The following DESI2 variants were observed in gnomAD, a reference collection of about 807,000 sequenced individuals.
The protein encoded by DESI2 is deubiquitinase DESI2.
DESI2 carries 10 observed loss-of-function variants against 24.1 expected under a neutral mutation model. That is an observed-to-expected ratio of 0.41 (90% confidence interval 0.26 to 0.70). DESI2 has a LOEUF of 0.70. Among genes scored for constraint, DESI2 ranks in the 30% least tolerant of loss-of-function variants. DESI2 has a pLI of 0.29. For missense variants in DESI2, 122 were observed against 234.9 expected (o/e 0.52, Z 3.14); for synonymous variants, 71 against 87.7 (o/e 0.81, Z 1.06).
intron 4 of DESI2, among the ~76,000 whole-genome samples, chr1:244,698,231 T>C (rs925835465): frequency 4.6e-5 from 7 of 152,244 alleles, no homozygotes; most frequent in African/African-American, 1.7e-4. Context: ...CCTTGCTTTT[T>C]GCTGCTGTAG....
intron 1 of DESI2, among the ~76,000 whole-genome samples, chr1:244,686,262 G>A (rs917516504): frequency 1.3e-5 from 2 of 149,302 alleles, no homozygotes; most frequent in African/African-American, 2.4e-5. Flanking sequence ...GTGTGTGTGT[G>A]TGTATGTGTG....
At chr1:244,699,578 CAAAAAAAAAAAA>C (rs559295405) in intron 4 of DESI2, among the ~76,000 whole-genome samples, 56 of 66,216 alleles carry the variant, frequency 8.5e-4, no homozygotes, top group East Asian at 5.8e-3. Flanking sequence ...GAGACTGTCT[CAAAAAAAAAAAA>C]AAAAAAAAAA....
At chr1:244,653,594 T>C in intron 1 of DESI2, 1 of 526,486 alleles carries the variant, frequency 1.9e-6, no homozygotes, top group Non-Finnish European at 3.3e-6. Context: ...GGCTTGAACC[T>C]CTCCCATCCG....
chr1:244,691,752 C>T (rs1677036898), intron 3 of DESI2, 127 bp from the exon 4 acceptor site: 2 of 727,440 alleles, frequency 2.7e-6, no homozygotes, highest in Admixed American at 3.7e-5. Context: ...GTTATATTAA[C>T]CCTGATTTGT....
intron 1 of DESI2, among the ~76,000 whole-genome samples, chr1:244,659,501 G>A (rs1158494405): frequency 2.0e-5 from 3 of 152,116 alleles, no homozygotes; most frequent in African/African-American, 7.2e-5. Context: ...ATTCCTTCCT[G>A]CTGTCAGCTG....
chr1:244,674,317 C>T (rs972552082), intron 1 of DESI2, among the ~76,000 whole-genome samples: 1 of 38,750 alleles, frequency 2.6e-5, no homozygotes, highest in African/African-American at 7.7e-5. Flanking sequence ...CTATTCATAA[C>T]GGTCTTTTTT....
At chr1:244,673,426 A>G (rs1283930940) in intron 1 of DESI2, among the ~76,000 whole-genome samples, 1 of 152,276 alleles carries the variant, frequency 6.6e-6, no homozygotes, top group African/African-American at 2.4e-5. Flanking sequence ...GTGGCTGACC[A>G]AAATACATAT....
intron 1 of DESI2, chr1:244,656,428 A>G (rs1463436009): frequency 6.6e-6 from 1 of 152,186 alleles, no homozygotes; most frequent in Middle Eastern, 3.2e-3. Flanking sequence ...TTACTTAATT[A>G]TGCATAGTGT....
At chr1:244,674,909 AGGTTT>A in intron 1 of DESI2, among the ~76,000 whole-genome samples, 2 of 152,172 alleles carry the variant, frequency 1.3e-5, no homozygotes, top group African/African-American at 2.4e-5. Flanking sequence ...TGGTAACTTT[AGGTTT>A]AACTTTTGGA....
intron 1 of DESI2, among the ~76,000 whole-genome samples, chr1:244,657,215 C>T (rs948268329): frequency 5.9e-5 from 9 of 152,236 alleles, no homozygotes; most frequent in African/African-American, 1.9e-4. Flanking sequence ...TTAGACTCCT[C>T]CAACAGGGTG....
At chr1:244,660,361 TTTCACCATGTTGGCCACACTG>T (rs1410647854) in intron 1 of DESI2, among the ~76,000 whole-genome samples, 2 of 152,120 alleles carry the variant, frequency 1.3e-5, no homozygotes, top group Non-Finnish European at 2.9e-5. Flanking sequence ...AGAGGCAGGG[TTTCACCATGTTGGCCACACTG>T]GTCTCAGTCT....
In DESI2 at chr1:244,691,947, GA is replaced by G; in HGVS notation, c.282del (p.Glu95AsnfsTer9). 1.2e-6 allele frequency: 2 copies of G among 1,604,430 alleles called. No individual in the cohort carries two copies. Among genetic ancestry groups the G allele is most frequent in the South Asian group, 2.3e-5 (2 of 88,650 alleles). ...DDIEKIVEEL[G>X]KEYKGNAYHL... is the part of the protein sequence containing the mutation. ...ATAGAAAAAATTGTAGAAGAACTGG[GA>G]AAAGAATACAAAGGCAATGCTTATC... On this transcript the variant is annotated frameshift_variant, in exon 4 of 5. Coordinates refer to ENST00000302550, the MANE Select transcript of DESI2 (RefSeq NM_016076.5). LOFTEE classifies it high-confidence loss of function.
chr1:244,702,037 C>T (rs752678300), intron 4 of DESI2, among the ~76,000 whole-genome samples: 21 of 152,106 alleles, frequency 1.4e-4, no homozygotes, highest in Non-Finnish European at 2.4e-4. Context: ...CTATATAAAC[C>T]AAATACTATT....
chr1:244,653,811 C>T, intron 1 of DESI2: 1 of 391,228 alleles, frequency 2.6e-6, no homozygotes, highest in Non-Finnish European at 5.2e-6. Context: ...CAGAAACTCC[C>T]AAGCCCCTCT....
At chr1:244,703,880 G>A (rs188795460) in intron 4 of DESI2, among the ~76,000 whole-genome samples, 7 of 151,958 alleles carry the variant, frequency 4.6e-5, no homozygotes, top group African/African-American at 9.7e-5. Flanking sequence ...GGATGGTCTC[G>A]ATCTCCTGAC....
chr1:244,676,858 T>C (rs1046575565), intron 1 of DESI2, among the ~76,000 whole-genome samples: 1 of 148,334 alleles, frequency 6.7e-6, no homozygotes, highest in Non-Finnish European at 1.5e-5. Context: ...TGTCCAGTGC[T>C]TTTCTTTGTC....
intron 1 of DESI2, chr1:244,653,649 G>A (rs372472874): frequency 6.5e-5 from 33 of 504,972 alleles, no homozygotes; most frequent in African/African-American, 4.8e-4. Context: ...CCCCTTGGCC[G>A]ACGTGCAGTG....
At chr1:244,672,542 A>C (rs915816776) in intron 1 of DESI2, among the ~76,000 whole-genome samples, 1 of 152,128 alleles carries the variant, frequency 6.6e-6, no homozygotes, top group Admixed American at 6.5e-5. Context: ...CTAACACACC[A>C]GGTTAGAGAA....
chr1:244,686,717 T>C, intron 2 of DESI2, 48 bp downstream of exon 2: 1 of 1,263,794 alleles, frequency 7.9e-7, no homozygotes, highest in Non-Finnish European at 1.2e-6. Context: ...TTTTGTACTT[T>C]AAAAGAGTTG....
Sources: gnomAD v4.1 joint callset for allele counts (sites outside exome capture counted in the v4.1 genomes callset) on GRCh38, gnomAD v4.1.1 for gene constraint, MANE v1.5 for transcripts, NCBI Gene and HGNC (gene_info 2026-07-23, HGNC 2026-07-21) for gene names.